The following UBE2E1 variants were observed in gnomAD, a reference collection of about 807,000 sequenced individuals.
UBE2E1 encodes the protein ubiquitin conjugating enzyme E2 E1.
In UBE2E1, 6 loss-of-function variants were observed where a neutral mutation model predicts 21.4. The observed-to-expected ratio is 0.28, with a 90% CI of 0.15 to 0.55. UBE2E1 has a LOEUF of 0.55. Ranked by LOEUF, UBE2E1 falls within the 20% of genes least tolerant of loss-of-function variation. The probability of loss-of-function intolerance (pLI) is 0.93; values close to 1 mark genes in which losing one functional copy is unlikely to be tolerated. For synonymous variants in UBE2E1, 87 were observed against 82.7 expected (o/e 1.05, Z -0.28); for missense variants, 142 against 236.5 (o/e 0.60, Z 2.62).
intron 3 of UBE2E1, among the ~76,000 whole-genome samples, chr3:23,835,194 G>T (rs1699951967): frequency 2.0e-5 from 3 of 152,328 alleles, no homozygotes; most frequent in East Asian, 1.9e-4. Flanking sequence ...TGCAGGCCAG[G>T]TTGGGTGGCT....
rs1700455961 is a variant in UBE2E1, at chr3:23,857,000, T to TA, written c.204-30567_204-30566insA. 1.4e-4 allele frequency among the ~76,000 whole-genome samples: 4 copies of TA among 27,648 alleles called. No homozygotes were observed. In the Admixed American group the frequency reaches 2.1e-3, roughly 14 times the overall value. The allele number at this position is 27,648 out of a possible 152,430, so 18.1% of individuals were successfully genotyped here. On this transcript the variant is annotated intron_variant, in intron 3 of 5. Transcript: ENST00000306627. ...CTGGGTGACAGAGCTAGGCTGTCTC[T>TA]TAAAAAAAAAAAAAAAAAAGAGAGA...
Position 23,836,897 on chromosome 3 carries a change from T to C in UBE2E1, c.203+25387T>C, listed in dbSNP as rs1699985653. 2.6e-5 allele frequency among the ~76,000 whole-genome samples: 4 copies of C among 152,228 alleles called. No individual in the cohort carries two copies. The highest frequency in any genetic ancestry group is 9.6e-5 in the African/African-American group (4 of 41,460). ...GTGGCATCACTCATGATGAAGAAGA[T>C]AAAGCTCTTGTTAAGTAGTTTATGG... On this transcript the variant is annotated intron_variant, in intron 3 of 5. Coordinates refer to ENST00000306627, the MANE Select transcript of UBE2E1 (RefSeq NM_003341.5). The surrounding 1 kb of genome is among the most constrained non-coding windows in gnomAD (Gnocchi z 4.1).
chr3:23,850,064 G>C (rs140174282), intron 3 of UBE2E1, among the ~76,000 whole-genome samples: 56 of 152,234 alleles, frequency 3.7e-4, no homozygotes, highest in African/African-American at 1.2e-3. Flanking sequence ...GATCAAAATT[G>C]ACATATTCTC....
At chr3:23,879,117 TAGAGGGAC>T (rs1700980670) in intron 3 of UBE2E1, 1 of 535,070 alleles carries the variant, frequency 1.9e-6, no homozygotes, top group Non-Finnish European at 3.6e-6. Context: ...CAACTATAAG[TAGAGGGAC>T]TGCTTGGTTT....
intron 3 of UBE2E1, among the ~76,000 whole-genome samples, chr3:23,818,061 G>A (rs2125284570): frequency 6.6e-6 from 1 of 152,218 alleles, no homozygotes; most frequent in African/African-American, 2.4e-5. Context: ...CCTTCAAAGT[G>A]GAGAGGAAAG....
intron 3 of UBE2E1, among the ~76,000 whole-genome samples, chr3:23,832,541 A>T (rs1699891076): frequency 6.6e-6 from 1 of 152,132 alleles, no homozygotes. Flanking sequence ...GCTACTCAGG[A>T]GGCTGAGGCA....
intron 3 of UBE2E1, among the ~76,000 whole-genome samples, chr3:23,834,626 A>T (rs1433596107): frequency 6.6e-6 from 1 of 151,982 alleles, no homozygotes; most frequent in East Asian, 1.9e-4. Context: ...TGCTTTGGGG[A>T]GCTGAGATGG....
chr3:23,888,148 CCAAACAA>C, intron 4 of UBE2E1: 1 of 451,096 alleles, frequency 2.2e-6, no homozygotes, highest in African/African-American at 2.0e-5. Context: ...GGTCAGGGGG[CCAAACAA>C]CTAGAGAATC....
chr3:23,813,569 G>A (rs1428412899), intron 3 of UBE2E1, among the ~76,000 whole-genome samples: 1 of 152,002 alleles, frequency 6.6e-6, no homozygotes, highest in East Asian at 1.9e-4. Context: ...TTGAGACGGA[G>A]TCTTGCTCTG....
intron 3 of UBE2E1, among the ~76,000 whole-genome samples, chr3:23,818,810 C>A (rs2125285098): frequency 6.6e-6 from 1 of 152,162 alleles, no homozygotes; most frequent in East Asian, 1.9e-4. Flanking sequence ...AGGATGTCTT[C>A]AGATGGAGGA....
chr3:23,865,289 G>A (rs1332992818), intron 3 of UBE2E1, among the ~76,000 whole-genome samples: 1 of 152,176 alleles, frequency 6.6e-6, no homozygotes, highest in Non-Finnish European at 1.5e-5. Flanking sequence ...CCTTTTCTTA[G>A]GTAGTTTATG....
rs187947257 is a variant in UBE2E1, at chr3:23,876,477, C to T, written c.204-11090C>T. Among the ~76,000 whole-genome samples the T allele has an allele frequency of 4.6e-5, 7 of 152,246 alleles. No homozygotes were observed. The East Asian group carries it at 9.7e-4, about 21-fold the overall frequency. On this transcript the variant is annotated intron_variant, in intron 3 of 5. Coordinates refer to ENST00000306627, the MANE Select transcript of UBE2E1 (RefSeq NM_003341.5). The surrounding 1 kb of genome is among the most constrained non-coding windows in gnomAD (Gnocchi z 4.3). ...ACCCAGTATCTCTGGTAGATTGCTA[C>T]CTTCATAGCTTATCTTCTCTATGAA...
At chr3:23,846,814 A>G (rs1363666485) in intron 3 of UBE2E1, among the ~76,000 whole-genome samples, 1 of 152,148 alleles carries the variant, frequency 6.6e-6, no homozygotes, top group East Asian at 1.9e-4. Flanking sequence ...AAGATGGGAC[A>G]TAGAGAAACA....
At chr3:23,873,004 G>A (rs891391105) in intron 3 of UBE2E1, among the ~76,000 whole-genome samples, 2 of 151,516 alleles carry the variant, frequency 1.3e-5, no homozygotes, top group African/African-American at 2.4e-5. Flanking sequence ...GCAACAGAGC[G>A]AGACTCCATC....
Position 23,846,520 on chromosome 3 carries a change from A to G in UBE2E1, c.203+35010A>G, listed in dbSNP as rs9864224. On this transcript the variant is annotated intron_variant, in intron 3 of 5. Transcript: ENST00000306627. ...GAAACCAGCTGGCCAACATGGTGAA[A>G]CCCCATCTTTACTAAAAATACAAAA... Among the ~76,000 whole-genome samples, 1,141 of 152,130 alleles carry G rather than the reference A, an allele frequency of 7.5e-3. 15 individuals are homozygous for G. Among genetic ancestry groups the G allele is most frequent in the African/African-American group, 0.026 (1,064 of 41,508 alleles).
chr3:23,818,681 C>T (rs1699579281), intron 3 of UBE2E1, among the ~76,000 whole-genome samples: 1 of 152,122 alleles, frequency 6.6e-6, no homozygotes, highest in Admixed American at 6.6e-5. Context: ...TCTGAGGTGG[C>T]CTGACGGTGG....
rs548953033 is a variant in UBE2E1 at position 23,823,423 on chromosome 3, A to G, written c.203+11913A>G. On this transcript the variant is annotated intron_variant, in intron 3 of 5. Coordinates refer to ENST00000306627, the MANE Select transcript of UBE2E1 (RefSeq NM_003341.5). The surrounding 1 kb of genome is among the most constrained non-coding windows in gnomAD (Gnocchi z 4.2). ...GGTGCTGAACTGCCAGAGACAAGCA[A>G]CAAATAATATGTGGAACCACAACTG... Among the ~76,000 whole-genome samples the G allele has an allele frequency of 1.3e-5, 2 of 152,372 alleles. No homozygotes were observed. The highest frequency in any genetic ancestry group is 4.8e-5 in the African/African-American group (2 of 41,586).
intron 3 of UBE2E1, among the ~76,000 whole-genome samples, chr3:23,873,521 G>C (rs1255739318): frequency 3.3e-5 from 5 of 152,172 alleles, no homozygotes; most frequent in African/African-American, 1.2e-4. Context: ...GCTGAGGCAG[G>C]CAGATCATGA....
intron 3 of UBE2E1, among the ~76,000 whole-genome samples, chr3:23,845,589 C>CTGTGTG (rs377458829): frequency 4.9e-5 from 6 of 121,288 alleles, no homozygotes; most frequent in African/African-American, 9.7e-5. Context: ...CTCTCTCTCT[C>CTGTGTG]TGTGTGTGTG....
Sources: allele counts gnomAD v4.1 joint callset (sites outside exome capture counted in the v4.1 genomes callset), GRCh38; gene constraint gnomAD v4.1.1; non-coding constraint Gnocchi (gnomAD v3.1); transcripts MANE v1.5; gene names NCBI Gene and HGNC (gene_info 2026-07-23, HGNC 2026-07-21).